AFDN: variants seen among roughly 807,000 people sequenced by gnomAD.
AFDN encodes afadin.
AFDN carries 68 observed loss-of-function variants against 216.6 expected under a neutral mutation model. That is an observed-to-expected ratio of 0.31 (90% CI 0.26 to 0.38). The LOEUF (loss-of-function observed/expected upper bound fraction) is 0.38. Ranked by LOEUF, AFDN falls within the 10% of genes least tolerant of loss-of-function variation. AFDN has a pLI of 1.00. For synonymous variants in AFDN, 868 were observed against 853.7 expected (o/e 1.02, Z -0.29); for missense variants, 2,136 against 2,342.0 (o/e 0.91, Z 1.82).
intron 1 of AFDN, 197 bp from the exon 2 acceptor site, chr6:167,864,354 A>G (rs751473313): frequency 2.2e-5 from 17 of 758,618 alleles, no homozygotes; most frequent in Non-Finnish European, 1.7e-5. Flanking sequence ...GGTGAGGCAA[A>G]GAGAAATTGT....
chr6:167,902,225 G>A (rs1054039474), intron 11 of AFDN, 92 bp from the exon 12 acceptor site: 6 of 894,736 alleles, frequency 6.7e-6, no homozygotes, highest in Non-Finnish European at 8.8e-6. Flanking sequence ...TTTGACATTT[G>A]GTATTTTAGT....
intron 18 of AFDN, 26 bp downstream of exon 18, chr6:167,914,764 C>T (rs974825985): frequency 1.7e-5 from 25 of 1,461,402 alleles, no homozygotes; most frequent in Non-Finnish European, 1.9e-5. Context: ...GACTGTCTCC[C>T]TCTATCCCGC....
intron 20 of AFDN, 74 bp from the exon 21 acceptor site, chr6:167,918,661 C>G: frequency 2.9e-6 from 4 of 1,364,842 alleles, no homozygotes; most frequent in African/African-American, 1.4e-5. Context: ...AGCAGACAGC[C>G]TTTGAATAGT....
At chr6:167,926,035 T>C (rs1372679118) in intron 23 of AFDN, among the ~76,000 whole-genome samples, 3 of 152,228 alleles carry the variant, frequency 2.0e-5, no homozygotes, top group African/African-American at 7.2e-5. Context: ...AATTACACAG[T>C]TAATGTGCCT....
chr6:167,881,127 A>G (rs1295546401), intron 6 of AFDN, among the ~76,000 whole-genome samples: 1 of 152,184 alleles, frequency 6.6e-6, no homozygotes, highest in Non-Finnish European at 1.5e-5. Context: ...TTAGTGCTTT[A>G]AATTCTCTCA....
chr6:167,937,982 G>A (rs550285726), intron 23 of AFDN, among the ~76,000 whole-genome samples: 7 of 152,302 alleles, frequency 4.6e-5, no homozygotes, highest in Non-Finnish European at 8.8e-5. Flanking sequence ...AAGGGATAGA[G>A]CTCCTTATAT....
chr6:167,931,149 T>G (rs1793248791), intron 23 of AFDN, among the ~76,000 whole-genome samples: 1 of 152,190 alleles, frequency 6.6e-6, no homozygotes, highest in African/African-American at 2.4e-5. Flanking sequence ...TGATACATAT[T>G]TGTTGAATGG....
intron 1 of AFDN, among the ~76,000 whole-genome samples, chr6:167,848,681 A>C (rs1321012983): frequency 6.6e-6 from 1 of 152,176 alleles, no homozygotes; most frequent in Non-Finnish European, 1.5e-5. Context: ...TTATATTCCA[A>C]ACTTCAGTCT....
At chr6:167,924,592 G>A (rs374232650) in intron 22 of AFDN, among the ~76,000 whole-genome samples, 4 of 152,152 alleles carry the variant, frequency 2.6e-5, no homozygotes, top group South Asian at 2.1e-4. Flanking sequence ...AGTCCTCCCC[G>A]TGGATAGTGT....
rs758582041 is a variant in AFDN at position 167,965,893 on chromosome 6, C to T, written c.5105C>T (p.Pro1702Leu). 1.2e-5 allele frequency: 19 copies of T among 1,548,958 alleles called. No homozygotes were observed. The highest frequency in any genetic ancestry group is 2.4e-5 in the South Asian group (2 of 84,004). ...CCGCTTCCCCGGGACTACGAGCCCC[C>T]GTCCCCGTCCCCCGCGCCCGGCGCC... ...RPPLPRDYEP[P>L]SPSPAPGAPP... Residue 1702 changes from proline (P) to leucine (L), a missense_variant, in exon 32 of 34, where the codon CCG becomes CTG. Physicochemically the swap from Pro to Leu is moderately conservative, Grantham distance 98. Coordinates refer to ENST00000683244, the MANE Select transcript of AFDN (RefSeq NM_001386888.1).
intron 27 of AFDN, 109 bp downstream of exon 27, chr6:167,947,010 G>A: frequency 1.1e-6 from 1 of 943,186 alleles, no homozygotes. Flanking sequence ...TGCAAACATT[G>A]GCTAACTAGG....
chr6:167,895,503 A>G (rs1035385288), intron 9 of AFDN, among the ~76,000 whole-genome samples: 1 of 152,180 alleles, frequency 6.6e-6, no homozygotes, highest in Admixed American at 6.5e-5. Context: ...GGTGTTAGGC[A>G]TTAGTGTCTC....
chr6:167,913,336 T>C, intron 15 of AFDN, 67 bp from the exon 16 acceptor site: 1 of 1,452,096 alleles, frequency 6.9e-7, no homozygotes, highest in South Asian at 1.2e-5. Context: ...TTTTTTAAAC[T>C]ATCATGATTG....
At position 167,946,825 on chromosome 6, in the gene AFDN, T is replaced by C. The variant is rs769225816; in HGVS notation, c.3477T>C (p.Ser1159=). Residue 1159 remains serine (S), a synonymous_variant, in exon 27 of 34, where the codon AGT becomes AGC. Coordinates refer to ENST00000683244, the MANE Select transcript of AFDN (RefSeq NM_001386888.1). ...ESPQLPWAEY[S]EPKKLPGDDR... ...CTCAGCTGCCTTGGGCAGAATATAG[T>C]GAACCAAAGAAATTGCCTGGTGATG... is the stretch of plus-strand genomic sequence containing the variant. The C allele has an allele frequency of 1.2e-6, 2 of 1,612,854 alleles. No individual in the cohort carries two copies. Among genetic ancestry groups the C allele is most frequent in the Admixed American group, 1.7e-5 (1 of 59,734 alleles).
upstream of AFDN, chr6:167,826,876 G>GCTC (rs1562507021): frequency 2.2e-5 from 3 of 138,324 alleles, no homozygotes; most frequent in Non-Finnish European, 4.9e-5. Flanking sequence ...GGCGGGGCGC[G>GCTC]GGCGGGTGCG....
chr6:167,877,013 A>AT (rs1562594585), intron 5 of AFDN, among the ~76,000 whole-genome samples: 1 of 152,194 alleles, frequency 6.6e-6, no homozygotes, highest in Non-Finnish European at 1.5e-5. Context: ...GGGAATTCTG[A>AT]TTAGGAGCAG....
chr6:167,880,223 A>G, intron 5 of AFDN, 137 bp from the exon 6 acceptor site: 1 of 722,692 alleles, frequency 1.4e-6, no homozygotes, highest in Non-Finnish European at 2.3e-6. Flanking sequence ...ATGAAACAAT[A>G]GTTATTAGGC....
intron 17 of AFDN, 53 bp from the exon 18 acceptor site, chr6:167,914,591 G>T: frequency 1.5e-6 from 2 of 1,297,122 alleles, no homozygotes; most frequent in South Asian, 2.4e-5. Flanking sequence ...TAACATGTCT[G>T]ACAATAGCTG....
At chr6:167,915,515 A>G (rs976588781) in intron 19 of AFDN, 82 bp downstream of exon 19, 102 of 1,479,982 alleles carry the variant, frequency 6.9e-5, no homozygotes, top group Non-Finnish European at 8.9e-5. Flanking sequence ...GCTTCAATGC[A>G]GCAAAACCTC....
Sources: gnomAD v4.1 joint callset for allele counts (sites outside exome capture counted in the v4.1 genomes callset) on GRCh38, gnomAD v4.1.1 for gene constraint, MANE v1.5 for transcripts, NCBI Gene and HGNC (gene_info 2026-07-23, HGNC 2026-07-21) for gene names.